Variants in PXDC1 observed in about 807,000 individuals in gnomAD.
The protein encoded by PXDC1 is PX domain-containing protein 1.
In PXDC1, 13 loss-of-function variants were observed where a neutral mutation model predicts 24.4. That is an observed-to-expected ratio of 0.53 (90% CI 0.35 to 0.85). The LOEUF (loss-of-function observed/expected upper bound fraction) is 0.85. PXDC1 is among the 40% of genes least tolerant of loss of function. The pLI is 0.01. For missense variants in PXDC1, 344 were observed against 309.3 expected, an observed-to-expected ratio of 1.11 and a Z score of -0.84; for synonymous variants, 162 against 124.9, an observed-to-expected ratio of 1.30 and a Z score of -1.98.
Position 3,728,383 on chromosome 6 carries a change from C to T in PXDC1, c.467-721G>A, listed in dbSNP as rs149336469. On this transcript the variant is annotated intron_variant, in intron 3 of 4. Transcript: ENST00000380283. This position sits in a 1 kb window ranked among gnomAD's most constrained non-coding sequence, Gnocchi z 4.0. ...GAATATACAATATTGGTTGCCCATT[C>T]CTGAGTTACTTCTCAGTGTGCATTT... Among the ~76,000 whole-genome samples, 963 of 152,310 alleles carry T rather than the reference C, an allele frequency of 6.3e-3. 4 individuals are homozygous for T. The highest frequency in any genetic ancestry group is 0.017 in the Middle Eastern group (5 of 294).
At chr6:3,732,333 A>T (rs549164831) in intron 3 of PXDC1, among the ~76,000 whole-genome samples, 1 of 152,282 alleles carries the variant, frequency 6.6e-6, no homozygotes, top group African/African-American at 2.4e-5. Flanking sequence ...ACAAAACCCA[A>T]AGCAGTGCCC....
Position 3,724,439 on chromosome 6 carries a change from C to T in PXDC1, c.579-703G>A, listed in dbSNP as rs981159748. On this transcript the variant is annotated intron_variant, in intron 4 of 4. Coordinates refer to ENST00000380283, the MANE Select transcript of PXDC1 (RefSeq NM_183373.4). The surrounding 1 kb of genome is among the most constrained non-coding windows in gnomAD (Gnocchi z 4.5). ...GGAACTGTTTCTACTCCCTCTGCAG[C>T]CCAGGCAGACTTCCTACGTTAAGAA... is the stretch of plus-strand genomic sequence containing the variant. Among the ~76,000 whole-genome samples, 1 of 152,188 alleles carries T rather than the reference C, an allele frequency of 6.6e-6. No homozygotes were observed. Among genetic ancestry groups the T allele is most frequent in the Admixed American group, 6.5e-5 (1 of 15,290 alleles).
Position 3,725,766 on chromosome 6 carries a change from C to T in PXDC1, c.578+1785G>A, listed in dbSNP as rs72847734. ...CTGTGAGACACTGGAGCTGGACCATCGACTCCACTGCACTGCCCGAGATTG... is the reference window on the plus strand; with the variant it reads ...CTGTGAGACACTGGAGCTGGACCATTGACTCCACTGCACTGCCCGAGATTG... On this transcript the variant is annotated intron_variant, in intron 4 of 4. Coordinates refer to ENST00000380283, the MANE Select transcript of PXDC1 (RefSeq NM_183373.4). The surrounding 1 kb of genome is among the most constrained non-coding windows in gnomAD (Gnocchi z 4.8). Among the ~76,000 whole-genome samples the T allele has an allele frequency of 3.3e-3, 508 of 152,334 alleles. 2 individuals are homozygous for T. Among genetic ancestry groups the T allele is most frequent in the Non-Finnish European group, 5.0e-3 (341 of 68,020 alleles).
intron 1 of PXDC1, among the ~76,000 whole-genome samples, chr6:3,741,480 C>T (rs1209290629): frequency 6.6e-6 from 1 of 152,232 alleles, no homozygotes; most frequent in African/African-American, 2.4e-5. Flanking sequence ...CATTCCGGCT[C>T]CCGGTGGCAA....
chr6:3,740,970 T>C (rs1760437466), intron 1 of PXDC1, among the ~76,000 whole-genome samples: 1 of 152,266 alleles, frequency 6.6e-6, no homozygotes, highest in Middle Eastern at 3.2e-3. Flanking sequence ...GCCTGGCCCA[T>C]GCCAGGGATG....
intron 3 of PXDC1, among the ~76,000 whole-genome samples, chr6:3,733,957 A>G (rs961082077): frequency 2.6e-5 from 4 of 152,024 alleles, no homozygotes; most frequent in African/African-American, 9.7e-5. Flanking sequence ...GGATGTAATA[A>G]TTCATCTTGC....
chr6:3,744,438 C>A (rs1760518878), intron 1 of PXDC1, among the ~76,000 whole-genome samples: 1 of 150,460 alleles, frequency 6.6e-6, no homozygotes. Context: ...CAGGAGGATG[C>A]ACAGCAGGGG....
At chr6:3,745,837 G>A (rs1489664970) in intron 1 of PXDC1, among the ~76,000 whole-genome samples, 1 of 152,188 alleles carries the variant, frequency 6.6e-6, no homozygotes, top group Non-Finnish European at 1.5e-5. Context: ...TCCACCATGT[G>A]TTTTCTGCTG....
intron 4 of PXDC1, among the ~76,000 whole-genome samples, chr6:3,726,776 ACT>A (rs990432560): frequency 2.6e-5 from 4 of 152,192 alleles, no homozygotes; most frequent in Non-Finnish European, 4.4e-5. Context: ...CCACAGGGAG[ACT>A]CTGCATCCAG....
chr6:3,736,583 C>T (rs531686583), intron 3 of PXDC1, among the ~76,000 whole-genome samples: 5 of 152,340 alleles, frequency 3.3e-5, no homozygotes, highest in Admixed American at 6.5e-5. Context: ...CTTAGTAAGT[C>T]ACCAAACTTG....
chr6:3,737,804 A>G lies in PXDC1; in HGVS notation c.348+253T>C, dbSNP rs1028472328. On this transcript the variant is annotated intron_variant, in intron 2 of 4. Transcript: ENST00000380283. The surrounding 1 kb of genome is among the most constrained non-coding windows in gnomAD (Gnocchi z 5.5). ...CACCCTTCCACCCATGCCTCCTTGC[A>G]TCCCTCATTTTCACTCTTTCCCCAG... 9.6e-5 allele frequency: 48 copies of G among 498,212 alleles called. No individual in the cohort carries two copies. The highest frequency in any genetic ancestry group is 1.2e-4 in the Non-Finnish European group (47 of 385,244). The allele number at this position is 498,212 out of a possible 1,614,324, so 30.9% of individuals were successfully genotyped here. A position where few individuals can be genotyped will look rare whatever the true frequency, so the allele number is the denominator to read the frequency against.
intron 1 of PXDC1, chr6:3,738,819 G>C (rs965947789): frequency 1.5e-6 from 2 of 1,303,206 alleles, no homozygotes; most frequent in South Asian, 1.2e-5. Flanking sequence ...ATGAAGGCTC[G>C]GGTGCTTTTC....
intron 1 of PXDC1, among the ~76,000 whole-genome samples, chr6:3,747,606 AT>A (rs1760599907): frequency 6.6e-6 from 1 of 152,042 alleles, no homozygotes; most frequent in Non-Finnish European, 1.5e-5. Context: ...CAATGGCATG[AT>A]CCCCGCTTTC....
intron 3 of PXDC1, among the ~76,000 whole-genome samples, chr6:3,730,265 CCAGCAGGCTACA>C (rs1380846739): frequency 6.6e-6 from 1 of 152,196 alleles, no homozygotes; most frequent in Non-Finnish European, 1.5e-5. Context: ...TAGGGGCAAG[CCAGCAGGCTACA>C]CAGCTGGCAG....
chr6:3,727,391 C>A (rs963836946), intron 4 of PXDC1, among the ~76,000 whole-genome samples, 160 bp downstream of exon 4: 9 of 152,206 alleles, frequency 5.9e-5, no homozygotes, highest in South Asian at 2.1e-4. Context: ...TCACCAGACT[C>A]TAGGAAAGGC....
At chr6:3,738,999 T>G in intron 1 of PXDC1, 1 of 1,268,146 alleles carries the variant, frequency 7.9e-7, no homozygotes. Context: ...CACAAAGGCT[T>G]AAGTGCCAGA....
At chr6:3,741,256 T>C (rs1303942937) in intron 1 of PXDC1, among the ~76,000 whole-genome samples, 1 of 152,252 alleles carries the variant, frequency 6.6e-6, no homozygotes, top group East Asian at 1.9e-4. Context: ...AGAACCACAT[T>C]GCTTCCTTTC....
intron 1 of PXDC1, among the ~76,000 whole-genome samples, chr6:3,747,103 C>T: frequency 6.6e-6 from 1 of 152,030 alleles, no homozygotes; most frequent in East Asian, 1.9e-4. Context: ...GCTAAAATGC[C>T]GCCTCCCAAG....
intron 3 of PXDC1, among the ~76,000 whole-genome samples, chr6:3,733,906 C>T (rs906433512): frequency 2.2e-4 from 33 of 152,170 alleles, no homozygotes; most frequent in African/African-American, 7.7e-4. Flanking sequence ...TCCACATTTC[C>T]TCCCATTCTT....
Sources: gnomAD v4.1 joint callset for allele counts (sites outside exome capture counted in the v4.1 genomes callset) on GRCh38, gnomAD v4.1.1 for gene constraint, Gnocchi (gnomAD v3.1) non-coding constraint, MANE v1.5 for transcripts, NCBI Gene and HGNC (gene_info 2026-07-23, HGNC 2026-07-21) for gene names.